The following POFUT1 variants were observed in gnomAD, a reference collection of about 807,000 sequenced individuals.
POFUT1 encodes the protein protein O-fucosyltransferase 1.
POFUT1 carries 16 observed loss-of-function variants against 42.4 expected under a neutral mutation model. That is an observed-to-expected ratio of 0.38 (90% CI 0.26 to 0.57). POFUT1 has a LOEUF of 0.57. Ranked by LOEUF, POFUT1 falls within the 20% of genes least tolerant of loss-of-function variation. POFUT1 has a pLI of 0.71. For missense variants in POFUT1, 470 were observed against 504.6 expected (o/e 0.93, Z 0.66); for synonymous variants, 206 against 205.4 (o/e 1.00, Z -0.03).
intron 4 of POFUT1, among the ~76,000 whole-genome samples, chr20:32,221,713 T>TA (rs200561795): frequency 0.059 from 8,614 of 145,110 alleles, 846 homozygotes; most frequent in African/African-American, 0.2. Context: ...GAGACCATCT[T>TA]AAAAAAAAAA....
rs573002705 is a variant in POFUT1 at position 32,207,974 on chromosome 20, C to T, written c.33C>T (p.Ser11=). The change falls in exon 1 of 7, where the codon AGC becomes AGT. Residue 11 remains serine (S), a synonymous_variant. Transcript: ENST00000375749. ...CCGCCGCGTGGGCACGGCCGCTGAG[C>T]GTGTCTTTCCTGCTGCTGCTTCTGC... MGAAAWARPL[S]VSFLLLLLPL... is the part of the protein sequence containing the mutation. 9.4e-6 allele frequency: 15 copies of T among 1,593,076 alleles called. No individual in the cohort carries two copies. In the South Asian group the frequency reaches 1.7e-4, roughly 18 times the overall value.
chr20:32,228,081 G>A (rs113550930), intron 4 of POFUT1, among the ~76,000 whole-genome samples, 182 bp from the exon 5 acceptor site: 1 of 152,138 alleles, frequency 6.6e-6, no homozygotes, highest in Non-Finnish European at 1.5e-5. Context: ...GCCTGTTGCC[G>A]CCGCCACCAA....
At chr20:32,210,239 C>T in intron 2 of POFUT1, 47 bp downstream of exon 2, 2 of 1,608,670 alleles carry the variant, frequency 1.2e-6, no homozygotes, top group Non-Finnish European at 1.7e-6. Flanking sequence ...CTTTCTCAGT[C>T]TTGCTTACTT....
At chr20:32,223,724 T>G in intron 4 of POFUT1, 1 of 979,704 alleles carries the variant, frequency 1.0e-6, no homozygotes, top group African/African-American at 1.7e-5. Flanking sequence ...TCATTTATTC[T>G]AAAAATATTT....
In POFUT1 at chr20:32,217,676, G is replaced by A. The variant is rs140931531; in HGVS notation, c.542+955G>A. 1.3e-3 allele frequency: 1,323 copies of A among 985,544 alleles called. 17 individuals are homozygous for A. The African/African-American group carries it at 0.021, about 16-fold the overall frequency. 61.0% of individuals were successfully genotyped at this position (985,544 alleles called of 1,614,324 possible). ...CAGCGCTGATGGTATCTGCCTCGTA[G>A]TGCATGAAGTGCATGTCATACACTA... On this transcript the variant is annotated intron_variant, in intron 4 of 6. Coordinates refer to ENST00000375749, the MANE Select transcript of POFUT1 (RefSeq NM_015352.2).
intron 4 of POFUT1, among the ~76,000 whole-genome samples, chr20:32,222,436 G>A (rs1480981451): frequency 5.9e-5 from 9 of 152,182 alleles, no homozygotes; most frequent in East Asian, 1.9e-4. Context: ...CAAAAGTTGC[G>A]AAAGGGCATG....
In POFUT1 at chr20:32,231,010, T is replaced by C. The variant is rs756035083; in HGVS notation, c.927T>C (p.Ala309=). The change falls in exon 6 of 7, where the codon GCT becomes GCC. Residue 309 remains alanine, a synonymous_variant. Transcript: ENST00000375749. ...TGGATGCCCAGTCGGTCTACGTTGC[T>C]ACTGATTCCGAGAGTTATGTGCCTG... The part of the protein sequence containing the change: ...RSLDAQSVYV[A]TDSESYVPEL... 11 of 1,614,226 alleles carry C rather than the reference T, an allele frequency of 6.8e-6. No individual in the cohort carries two copies. Among genetic ancestry groups the C allele is most frequent in the Non-Finnish European group, 8.5e-6 (10 of 1,180,030 alleles).
intron 6 of POFUT1, chr20:32,231,326 G>A: frequency 2.2e-6 from 1 of 459,984 alleles, no homozygotes; most frequent in Non-Finnish European, 4.0e-6. Flanking sequence ...GGCACTTTCT[G>A]GACTGTATGA....
Position 32,215,254 on chromosome 20 carries a change from C to G in POFUT1, c.247-15C>G. ...GGGCACTGAGACGGGACCTCTGCTC[C>G]TCCTTTTCCTGTAGCTCCATGTGTC... On this transcript the variant is annotated splice_polypyrimidine_tract_variant and intron_variant, in intron 2 of 6. Transcript: ENST00000375749. The G allele has an allele frequency of 6.3e-7, 1 of 1,598,422 alleles. No individual in the cohort carries two copies. Among genetic ancestry groups the G allele is most frequent in the African/African-American group, 1.3e-5 (1 of 74,780 alleles).
At chr20:32,211,922 C>A (rs1394046281) in intron 2 of POFUT1, among the ~76,000 whole-genome samples, 1 of 152,220 alleles carries the variant, frequency 6.6e-6, no homozygotes, top group African/African-American at 2.4e-5. Flanking sequence ...GTATCAGGGG[C>A]TCCTTTCTCT....
chr20:32,228,156 T>TC (rs1242312054), intron 4 of POFUT1, 107 bp from the exon 5 acceptor site: 1 of 826,722 alleles, frequency 1.2e-6, no homozygotes, highest in African/African-American at 1.7e-5. Flanking sequence ...CAGGGGCCCC[T>TC]CCGCAGGGTC....
chr20:32,209,527 G>T (rs2047315181), intron 1 of POFUT1, among the ~76,000 whole-genome samples: 1 of 152,220 alleles, frequency 6.6e-6, no homozygotes, highest in South Asian at 2.1e-4. Flanking sequence ...CAGGTGCCAT[G>T]CTGGGATTAA....
chr20:32,217,244 G>A, intron 4 of POFUT1: 1 of 1,399,182 alleles, frequency 7.1e-7, no homozygotes, highest in Non-Finnish European at 9.3e-7. Context: ...GTAATCAGAG[G>A]CCAATGGTGA....
intron 6 of POFUT1, chr20:32,231,342 G>C (rs1244983712): frequency 4.8e-6 from 2 of 412,748 alleles, no homozygotes; most frequent in Non-Finnish European, 9.1e-6. Flanking sequence ...TATGAGACTG[G>C]TGTAGAAATA....
At position 32,236,835 on chromosome 20, in the gene POFUT1, A is replaced by G. The variant is rs1244745396; in HGVS notation, c.*2174A>G. 6.6e-6 allele frequency: 1 copy of G among 152,208 alleles called. No individual in the cohort carries two copies. The highest frequency in any genetic ancestry group is 6.5e-5 in the Admixed American group (1 of 15,276). 9.4% of individuals were successfully genotyped at this position (152,208 alleles called of 1,614,324 possible). ...CTTATTTATTCCCCAGCCCTGGGAA[A>G]TAGGAGCTGTCATTATCCTTCTCTT... is the stretch of plus-strand genomic sequence containing the variant. On this transcript the variant is annotated 3_prime_UTR_variant, in exon 7 of 7. Coordinates refer to ENST00000375749, the MANE Select transcript of POFUT1 (RefSeq NM_015352.2).
chr20:32,208,185 G>T, intron 1 of POFUT1, 120 bp downstream of exon 1: 1 of 1,032,854 alleles, frequency 9.7e-7, no homozygotes, highest in Non-Finnish European at 1.4e-6. Flanking sequence ...AGAGCGGGAC[G>T]GGGCATGCTC....
At chr20:32,212,342 G>A (rs775590454) in intron 2 of POFUT1, among the ~76,000 whole-genome samples, 1 of 151,366 alleles carries the variant, frequency 6.6e-6, no homozygotes, top group Non-Finnish European at 1.5e-5. Flanking sequence ...CATGATCATC[G>A]CTCACTGCAG....
chr20:32,236,050 ACT>A lies in POFUT1; in HGVS notation c.*1392_*1393del, dbSNP rs1485678320. Reference sequence around the variant, plus strand: ...ATTTGCTGTATAGAGCTGCCACCCAACTCTAAGCAGGAGAAACTGTACAGAAA... The same window carrying A: ...ATTTGCTGTATAGAGCTGCCACCCAACTAAGCAGGAGAAACTGTACAGAAA... On this transcript the variant is annotated 3_prime_UTR_variant, in exon 7 of 7. Coordinates refer to ENST00000375749, the MANE Select transcript of POFUT1 (RefSeq NM_015352.2). The A allele has an allele frequency of 1.3e-5, 2 of 152,066 alleles. No individual in the cohort carries two copies. Among genetic ancestry groups the A allele is most frequent in the African/African-American group, 4.8e-5 (2 of 41,380 alleles). 9.4% of individuals were successfully genotyped at this position (152,066 alleles called of 1,614,324 possible).
intron 1 of POFUT1, among the ~76,000 whole-genome samples, chr20:32,209,789 C>A (rs2047316964): frequency 6.6e-6 from 1 of 152,114 alleles, no homozygotes; most frequent in Admixed American, 6.5e-5. Flanking sequence ...GCTCTTCTGG[C>A]TGAGGGACAG....
Sources: gnomAD v4.1 joint callset for allele counts (sites outside exome capture counted in the v4.1 genomes callset) on GRCh38, gnomAD v4.1.1 for gene constraint, MANE v1.5 for transcripts, NCBI Gene and HGNC (gene_info 2026-07-23, HGNC 2026-07-21) for gene names.